Variants in NCAM1 observed in about 807,000 individuals in gnomAD.
NCAM1 encodes antigen recognized by monoclonal antibody 5.1H11.
A neutral mutation model predicts 109.8 loss-of-function variants in NCAM1; 14 were observed. The ratio of observed to expected loss-of-function variants is 0.13; its 90% confidence interval spans 0.08 to 0.20. The LOEUF is 0.20. Among genes scored for constraint, NCAM1 ranks in the 10% least tolerant of loss-of-function variants. The probability of loss-of-function intolerance (pLI) is 1.00; values close to 1 mark genes in which losing one functional copy is unlikely to be tolerated. For synonymous variants in NCAM1, 418 were observed against 442.9 expected, an observed-to-expected ratio of 0.94 and a Z score of 0.70; for missense variants, 774 against 1,109.9, an observed-to-expected ratio of 0.70 and a Z score of 4.30.
chr11:113,174,845 C>G (rs1943098729), intron 1 of NCAM1, among the ~76,000 whole-genome samples: 1 of 152,100 alleles, frequency 6.6e-6, no homozygotes, highest in Non-Finnish European at 1.5e-5. Context: ...GTGTGCATCC[C>G]AGAGGAGACT....
chr11:112,985,468 T>C (rs1200267356), intron 1 of NCAM1, among the ~76,000 whole-genome samples: 2 of 151,886 alleles, frequency 1.3e-5, no homozygotes, highest in Non-Finnish European at 2.9e-5. Context: ...ATTGAATCTG[T>C]AGCTGCATTG....
intron 9 of NCAM1, chr11:113,231,171 G>A: frequency 6.5e-7 from 1 of 1,529,234 alleles, no homozygotes; most frequent in Non-Finnish European, 8.8e-7. Flanking sequence ...TTCTTATGTT[G>A]GGCACTTGGA....
chr11:113,010,353 A>G (rs1414145549), intron 1 of NCAM1, among the ~76,000 whole-genome samples: 1 of 152,228 alleles, frequency 6.6e-6, no homozygotes, highest in Non-Finnish European at 1.5e-5. Flanking sequence ...AGACTTCTCT[A>G]TTTTAGTCAG....
chr11:113,220,569 AAAGAAGG>A (rs2137080999), intron 8 of NCAM1, among the ~76,000 whole-genome samples: 1 of 151,090 alleles, frequency 6.6e-6, no homozygotes, highest in African/African-American at 2.4e-5. Context: ...TATAAAATCC[AAAGAAGG>A]AGACCTATTC....
intron 1 of NCAM1, among the ~76,000 whole-genome samples, chr11:113,124,300 T>C (rs1555096644): frequency 6.6e-6 from 1 of 152,158 alleles, no homozygotes; most frequent in African/African-American, 2.4e-5. Context: ...AGGTGTCTTT[T>C]CTCAATCATT....
chr11:112,966,825 G>A (rs568932116), intron 1 of NCAM1, among the ~76,000 whole-genome samples: 1 of 152,320 alleles, frequency 6.6e-6, no homozygotes, highest in Admixed American at 6.5e-5. Flanking sequence ...ATGTCTACAT[G>A]CAGCCACTGA....
Position 113,202,367 on chromosome 11 carries a change from T to TTG in NCAM1, c.53-10_53-9dup, listed in dbSNP as rs1591412693. Reference sequence around the variant, plus strand: ...GTTTTTTGTTTTGTTTTGTTTTGTTTTGTTTTTTCAGTTTCTCTGCAGGTG... The same window carrying TTG: ...GTTTTTTGTTTTGTTTTGTTTTGTTTTGTGTTTTTTCAGTTTCTCTGCAGGTG... On this transcript the variant is annotated splice_polypyrimidine_tract_variant and intron_variant, in intron 1 of 19. Transcript: ENST00000316851. 6.2e-7 allele frequency: 1 copy of TTG among 1,610,602 alleles called. No homozygotes were observed.
intron 1 of NCAM1, among the ~76,000 whole-genome samples, chr11:112,993,907 A>G (rs1951528977): frequency 6.6e-6 from 1 of 152,164 alleles, no homozygotes; most frequent in East Asian, 1.9e-4. Flanking sequence ...ACCCAAAGAG[A>G]GTATCAAATC....
chr11:112,999,106 C>G (rs1231351201), intron 1 of NCAM1, among the ~76,000 whole-genome samples: 1 of 152,216 alleles, frequency 6.6e-6, no homozygotes. Context: ...TATGAACTAC[C>G]ATTCCATTCA....
intron 1 of NCAM1, among the ~76,000 whole-genome samples, chr11:113,149,161 C>A (rs1234516890): frequency 6.6e-6 from 1 of 152,170 alleles, no homozygotes; most frequent in South Asian, 2.1e-4. Flanking sequence ...GGAGCCAGTA[C>A]CTCTGCTGGA....
In NCAM1 at chr11:113,276,625, T is replaced by C. The variant is rs1946402628; in HGVS notation, c.*1238T>C. 1 of 152,648 alleles carries C rather than the reference T, an allele frequency of 6.6e-6. No homozygotes were observed. The allele number at this position is 152,648 out of a possible 1,614,324, so 9.5% of individuals were successfully genotyped here. On this transcript the variant is annotated 3_prime_UTR_variant, in exon 20 of 20. Coordinates refer to ENST00000316851, the MANE Select transcript of NCAM1 (RefSeq NM_181351.5). ...TTTCCTTTTGAGCCCAGAATCTAGA[T>C]TTGAGCGGAAGAGCATGTGTGCTTC...
At chr11:113,227,507 G>C (rs1373731252) in intron 9 of NCAM1, among the ~76,000 whole-genome samples, 2 of 152,188 alleles carry the variant, frequency 1.3e-5, no homozygotes, top group Non-Finnish European at 2.9e-5. Flanking sequence ...AGAGGTACAA[G>C]GAGGAGCTGG....
At chr11:113,269,182 A>G (rs1446540864) in intron 17 of NCAM1, among the ~76,000 whole-genome samples, 1 of 152,024 alleles carries the variant, frequency 6.6e-6, no homozygotes, top group Non-Finnish European at 1.5e-5. Flanking sequence ...ACTAGTGTCA[A>G]TCGTAACCAT....
At chr11:113,098,046 C>A (rs1358411550) in intron 1 of NCAM1, among the ~76,000 whole-genome samples, 1 of 152,150 alleles carries the variant, frequency 6.6e-6, no homozygotes, top group African/African-American at 2.4e-5. Flanking sequence ...AATATTCATG[C>A]ATTGTCATAA....
intron 1 of NCAM1, among the ~76,000 whole-genome samples, chr11:113,046,164 A>G (rs1349521417): frequency 1.3e-5 from 2 of 152,230 alleles, no homozygotes; most frequent in Non-Finnish European, 2.9e-5. Context: ...AGGCAGAGTC[A>G]TAACATTATT....
At chr11:113,155,639 C>G (rs1942382901) in intron 1 of NCAM1, among the ~76,000 whole-genome samples, 1 of 152,142 alleles carries the variant, frequency 6.6e-6, no homozygotes, top group Non-Finnish European at 1.5e-5. Context: ...CCTGCACCCT[C>G]CACCCACACT....
At chr11:113,112,414 T>C (rs1940485844) in intron 1 of NCAM1, among the ~76,000 whole-genome samples, 1 of 152,184 alleles carries the variant, frequency 6.6e-6, no homozygotes, top group Non-Finnish European at 1.5e-5. Context: ...TAAATTTGAA[T>C]AGACATATTA....
chr11:113,032,615 A>G (rs1952756055), intron 1 of NCAM1, among the ~76,000 whole-genome samples: 2 of 152,174 alleles, frequency 1.3e-5, no homozygotes, highest in Admixed American at 6.5e-5. Context: ...GGGTTTGGTG[A>G]GCATCGTGGC....
intron 1 of NCAM1, among the ~76,000 whole-genome samples, chr11:112,970,074 A>T (rs573785409): frequency 5.8e-4 from 89 of 152,186 alleles, no homozygotes; most frequent in Non-Finnish European, 9.9e-4. Flanking sequence ...GATGAGGTGG[A>T]TCTGGCCAAA....
Sources: allele counts gnomAD v4.1 joint callset (sites outside exome capture counted in the v4.1 genomes callset), GRCh38; gene constraint gnomAD v4.1.1; transcripts MANE v1.5; gene names NCBI Gene and HGNC (gene_info 2026-07-23, HGNC 2026-07-21).